PCGF6: variants seen among roughly 807,000 people sequenced by gnomAD.
PCGF6 encodes the protein polycomb group ring finger 6, also known as polycomb group RING finger protein 6.
A neutral mutation model predicts 45.5 loss-of-function variants in PCGF6; 24 were observed. The ratio of observed to expected loss-of-function variants is 0.53; its 90% CI spans 0.38 to 0.74. The LOEUF (loss-of-function observed/expected upper bound fraction) is 0.74. Ranked by LOEUF, PCGF6 falls within the 30% of genes least tolerant of loss-of-function variation. The probability of loss-of-function intolerance (pLI) is 0.00; values close to 1 mark genes in which losing one functional copy is unlikely to be tolerated. For synonymous variants in PCGF6, 152 were observed against 162.1 expected (o/e 0.94, Z 0.47); for missense variants, 356 against 443.2 (o/e 0.80, Z 1.77).
chr10:103,349,710 T>TA (rs2093313966), intron 1 of PCGF6, among the ~76,000 whole-genome samples: 1 of 150,518 alleles, frequency 6.6e-6, no homozygotes, highest in African/African-American at 2.4e-5. Flanking sequence ...CCTGACCTCG[T>TA]GTTTCGCCTG....
intron 8 of PCGF6, among the ~76,000 whole-genome samples, chr10:103,323,694 G>C (rs1179836396): frequency 6.6e-6 from 1 of 151,880 alleles, no homozygotes; most frequent in Non-Finnish European, 1.5e-5. Flanking sequence ...CCGGGTAATA[G>C]CGATTCTCTT....
intron 7 of PCGF6, among the ~76,000 whole-genome samples, chr10:103,329,538 C>T (rs946099046): frequency 1.3e-5 from 2 of 151,822 alleles, no homozygotes; most frequent in Non-Finnish European, 2.9e-5. Flanking sequence ...AGTGGAATGG[C>T]GCGGTCTTGG....
At chr10:103,305,105 C>T (rs1042341343) in intron 9 of PCGF6, among the ~76,000 whole-genome samples, 7 of 151,876 alleles carry the variant, frequency 4.6e-5, no homozygotes, top group African/African-American at 1.5e-4. Flanking sequence ...TGGGACCACA[C>T]ACACGCATGT....
intron 8 of PCGF6, among the ~76,000 whole-genome samples, chr10:103,315,689 T>C (rs992677823): frequency 1.3e-5 from 2 of 152,052 alleles, no homozygotes; most frequent in African/African-American, 4.8e-5. Context: ...TCAATTTTTG[T>C]AGAGACAGGG....
At chr10:103,335,638 G>A (rs61869833) in intron 6 of PCGF6, among the ~76,000 whole-genome samples, 2,854 of 151,958 alleles carry the variant, frequency 0.019, 49 homozygotes, top group Non-Finnish European at 0.023. Flanking sequence ...TAGGATTACA[G>A]GAGTGAGCCA....
intron 8 of PCGF6, among the ~76,000 whole-genome samples, chr10:103,322,114 TTGAACTCC>T (rs1454680114): frequency 6.6e-6 from 1 of 152,140 alleles, no homozygotes; most frequent in African/African-American, 2.4e-5. Flanking sequence ...CAGGCTAGTC[TTGAACTCC>T]TGACCTCAGG....
intron 7 of PCGF6, among the ~76,000 whole-genome samples, chr10:103,327,448 C>T (rs2093222880): frequency 6.6e-6 from 1 of 152,106 alleles, no homozygotes; most frequent in Admixed American, 6.6e-5. Context: ...AAACTATCAA[C>T]AATTTTCAGG....
intron 8 of PCGF6, among the ~76,000 whole-genome samples, chr10:103,316,011 T>TATATAGAG (rs2093174722): frequency 7.7e-6 from 1 of 129,790 alleles, no homozygotes; most frequent in African/African-American, 3.1e-5. Flanking sequence ...TATATATATA[T>TATATAGAG]ATAGAGAGAG....
chr10:103,338,922 C>T (rs1304654664), intron 6 of PCGF6, among the ~76,000 whole-genome samples: 2 of 151,980 alleles, frequency 1.3e-5, no homozygotes, highest in Non-Finnish European at 2.9e-5. Flanking sequence ...ATTTCATATT[C>T]CAGTAACAGA....
intron 7 of PCGF6, among the ~76,000 whole-genome samples, chr10:103,332,680 G>A (rs2093244229): frequency 6.6e-6 from 1 of 152,136 alleles, no homozygotes; most frequent in Non-Finnish European, 1.5e-5. Flanking sequence ...AACACTGGTA[G>A]CATATATCCT....
intron 6 of PCGF6, among the ~76,000 whole-genome samples, chr10:103,342,156 A>C (rs1232880732): frequency 4.6e-5 from 7 of 151,836 alleles, no homozygotes; most frequent in Non-Finnish European, 1.0e-4. Context: ...GGCTGGTCTC[A>C]AACTCCTAAT....
intron 6 of PCGF6, among the ~76,000 whole-genome samples, chr10:103,340,192 AAAAAAAATAT>A (rs1351153262): frequency 1.9e-5 from 2 of 105,804 alleles, no homozygotes; most frequent in African/African-American, 4.1e-5. Context: ...AAAAAAAAAA[AAAAAAAATAT>A]ATATATATAT....
At chr10:103,345,646 C>T (rs930082500) in intron 5 of PCGF6, among the ~76,000 whole-genome samples, 3 of 139,654 alleles carry the variant, frequency 2.1e-5, no homozygotes, top group Admixed American at 7.1e-5. Context: ...TGGCCAACAT[C>T]GCAAAACCCT....
chr10:103,320,895 G>C (rs1294080273), intron 8 of PCGF6, among the ~76,000 whole-genome samples: 3 of 151,618 alleles, frequency 2.0e-5, no homozygotes, highest in African/African-American at 4.8e-5. Flanking sequence ...AGTCAGCATA[G>C]CAGGCTCGTG....
intron 9 of PCGF6, among the ~76,000 whole-genome samples, chr10:103,310,273 AAAAGAAAG>A (rs557293262): frequency 6.6e-6 from 1 of 151,764 alleles, no homozygotes; most frequent in Admixed American, 6.6e-5. Flanking sequence ...TAAAAAAAAA[AAAAGAAAG>A]AAAGAAAAGA....
chr10:103,335,070 C>G (rs1379199364), intron 6 of PCGF6, among the ~76,000 whole-genome samples: 2 of 151,862 alleles, frequency 1.3e-5, no homozygotes. Context: ...TCATTTTTTT[C>G]TTTAAGAGAT....
intron 8 of PCGF6, among the ~76,000 whole-genome samples, chr10:103,321,906 T>C (rs1323509242): frequency 6.6e-6 from 1 of 151,744 alleles, no homozygotes; most frequent in Non-Finnish European, 1.5e-5. Flanking sequence ...TTCACTTTTT[T>C]TTTTTTTGAG....
chr10:103,317,528 T>C (rs1235410636), intron 8 of PCGF6, among the ~76,000 whole-genome samples: 1 of 152,082 alleles, frequency 6.6e-6, no homozygotes, highest in Non-Finnish European at 1.5e-5. Context: ...CTCTCATCTA[T>C]AATCTTAGCT....
intron 9 of PCGF6, among the ~76,000 whole-genome samples, chr10:103,313,925 T>C (rs1215420097): frequency 2.6e-5 from 4 of 152,186 alleles, no homozygotes; most frequent in Non-Finnish European, 1.5e-5. Context: ...TGTATCTCAG[T>C]TTCCTTTATC....
Sources: gnomAD v4.1 joint callset for allele counts (sites outside exome capture counted in the v4.1 genomes callset) on GRCh38, gnomAD v4.1.1 for gene constraint, MANE v1.5 for transcripts, NCBI Gene and HGNC (gene_info 2026-07-23, HGNC 2026-07-21) for gene names.